The following AK9 variants were observed in gnomAD, a reference collection of about 807,000 sequenced individuals.
The protein encoded by AK9 is adenylate kinase 9, also known as adenylate kinase domain containing 1.
AK9 carries 191 observed loss-of-function variants against 239.6 expected under a neutral mutation model. That is an observed-to-expected ratio of 0.80 (90% confidence interval 0.71 to 0.90). The LOEUF is 0.90. AK9 is among the 40% of genes least tolerant of loss of function. The pLI is 0.00. For synonymous variants in AK9, 689 were observed against 721.0 expected (o/e 0.96, Z 0.71); for missense variants, 1,995 against 2,214.7 (o/e 0.90, Z 1.99).
Position 109,566,369 on chromosome 6 carries a change from G to A in AK9, c.2345-1524C>T, listed in dbSNP as rs568538715. 5.3e-5 allele frequency among the ~76,000 whole-genome samples: 8 copies of A among 152,076 alleles called. No homozygotes were observed. The South Asian group carries it at 6.2e-4, about 12-fold the overall frequency. The stretch of plus-strand genomic sequence containing the variant: ...CCACAAAAACAACAAAAACAAAATC[G>A]ACGAAGCAAAAGAGAGTATTGATCC... On this transcript the variant is annotated intron_variant, in intron 21 of 40. Transcript: ENST00000424296.
rs570444587 is a variant in AK9, at chr6:109,592,748, A to AT, written c.1843-6677dup. ...GGCATGAGCCACCGTGCCCAGCGGGATTTTTTTTTATAAGTGATTAGATGC... is the reference window on the plus strand; with the variant it reads ...GGCATGAGCCACCGTGCCCAGCGGGATTTTTTTTTTATAAGTGATTAGATGC... On this transcript the variant is annotated intron_variant, in intron 17 of 40. Coordinates refer to ENST00000424296, the MANE Select transcript of AK9 (RefSeq NM_001145128.3). Among the ~76,000 whole-genome samples the AT allele has an allele frequency of 4.4e-3, 658 of 149,042 alleles. 3 individuals are homozygous for AT. The highest frequency in any genetic ancestry group is 6.7e-3 in the Non-Finnish European group (455 of 67,548).
At chr6:109,577,263 T>C (rs1321834171) in intron 20 of AK9, among the ~76,000 whole-genome samples, 1 of 152,252 alleles carries the variant, frequency 6.6e-6, no homozygotes, top group Admixed American at 6.5e-5. Flanking sequence ...ATTTTTGTTT[T>C]TACCTCTGTT....
At chr6:109,564,576 GTTA>G (rs143388371) in intron 22 of AK9, among the ~76,000 whole-genome samples, 177 bp downstream of exon 22, 44,875 of 151,850 alleles carry the variant, frequency 0.3, 7,054 homozygotes, top group Middle Eastern at 0.41. Flanking sequence ...AAAAACCAGT[GTTA>G]TAATCTAGTT....
intron 26 of AK9, among the ~76,000 whole-genome samples, chr6:109,542,920 A>G (rs1481836237): frequency 6.6e-6 from 1 of 152,192 alleles, no homozygotes; most frequent in Non-Finnish European, 1.5e-5. Flanking sequence ...CCTTGGGGTC[A>G]TATCTCATTA....
chr6:109,538,010 G>A (rs1209049291), intron 27 of AK9, among the ~76,000 whole-genome samples: 1 of 152,188 alleles, frequency 6.6e-6, no homozygotes, highest in African/African-American at 2.4e-5. Flanking sequence ...TTGCTGAGGA[G>A]TTCTTTACTT....
chr6:109,597,044 T>G (rs1791129613), intron 17 of AK9, among the ~76,000 whole-genome samples: 1 of 152,228 alleles, frequency 6.6e-6, no homozygotes, highest in Admixed American at 6.5e-5. Context: ...GAAGAAAATC[T>G]ATATAGAAAA....
At chr6:109,559,647 G>T (rs1176176460) in intron 24 of AK9, among the ~76,000 whole-genome samples, 1 of 152,122 alleles carries the variant, frequency 6.6e-6, no homozygotes, top group Non-Finnish European at 1.5e-5. Flanking sequence ...CTTACACATA[G>T]AAATAAAATT....
Position 109,641,359 on chromosome 6 carries a change from T to C in AK9, c.933+159A>G, listed in dbSNP as rs1379612426. On this transcript the variant is annotated intron_variant, in intron 10 of 40. Transcript: ENST00000424296. ...ATTTTTTCTTTCTTTCTTTTTTTTT[T>C]TTTTTTTTTGTAGAGATGGGTTCTG... Among the ~76,000 whole-genome samples, 5 of 145,126 alleles carry C rather than the reference T, an allele frequency of 3.4e-5. No homozygotes were observed. The East Asian group carries it at 9.9e-4, about 29-fold the overall frequency.
intron 5 of AK9, among the ~76,000 whole-genome samples, chr6:109,669,195 T>G (rs1262838730): frequency 6.6e-6 from 1 of 152,030 alleles, no homozygotes; most frequent in Non-Finnish European, 1.5e-5. Context: ...TGGCTGTTTG[T>G]TATTGGTGTA....
chr6:109,581,097 T>C (rs1448020016), intron 19 of AK9, among the ~76,000 whole-genome samples: 1 of 152,092 alleles, frequency 6.6e-6, no homozygotes, highest in Non-Finnish European at 1.5e-5. Flanking sequence ...ACTTAATTGA[T>C]AGATGCTGTG....
chr6:109,540,873 T>A (rs1782789323), intron 27 of AK9, among the ~76,000 whole-genome samples: 1 of 152,178 alleles, frequency 6.6e-6, no homozygotes, highest in African/African-American at 2.4e-5. Flanking sequence ...GATTCCAAAT[T>A]TTCAAAAAGT....
At chr6:109,509,838 G>A (rs1778503745) in intron 32 of AK9, among the ~76,000 whole-genome samples, 1 of 152,094 alleles carries the variant, frequency 6.6e-6, no homozygotes, top group Non-Finnish European at 1.5e-5. Context: ...AGCTCCCTGG[G>A]TGCAGCTTGG....
intron 25 of AK9, among the ~76,000 whole-genome samples, chr6:109,547,888 T>C (rs1212726613): frequency 7.5e-6 from 1 of 133,194 alleles, no homozygotes; most frequent in African/African-American, 2.9e-5. Context: ...GATTTAACAA[T>C]GGGGAAAAAA....
In AK9 at chr6:109,609,658, T is replaced by C. The variant is rs147187244; in HGVS notation, c.1842+707A>G. Among the ~76,000 whole-genome samples the C allele has an allele frequency of 3.1e-4, 47 of 152,296 alleles. No homozygotes were observed. The East Asian group carries it at 8.9e-3, about 29-fold the overall frequency. On this transcript the variant is annotated intron_variant, in intron 17 of 40. Transcript: ENST00000424296. Reference sequence around the variant, plus strand: ...GACTTGAGGAAACCACCCAATGTGTTACAAAGAGGTTCCATACTCTAACAT... The same window carrying C: ...GACTTGAGGAAACCACCCAATGTGTCACAAAGAGGTTCCATACTCTAACAT...
intron 35 of AK9, among the ~76,000 whole-genome samples, chr6:109,501,328 T>C (rs1451322300): frequency 1.3e-5 from 2 of 152,080 alleles, no homozygotes; most frequent in Non-Finnish European, 2.9e-5. Context: ...GGAGATGATG[T>C]CCCCTGATAC....
intron 27 of AK9, among the ~76,000 whole-genome samples, chr6:109,535,719 T>G (rs1339336060): frequency 6.6e-6 from 1 of 152,218 alleles, no homozygotes; most frequent in Non-Finnish European, 1.5e-5. Context: ...GGTTTCCTTC[T>G]AGGGTTTTTA....
chr6:109,586,422 A>T (rs1334488325), intron 17 of AK9, among the ~76,000 whole-genome samples: 1 of 152,136 alleles, frequency 6.6e-6, no homozygotes, highest in Non-Finnish European at 1.5e-5. Flanking sequence ...ACGACAACCA[A>T]AGTTAACAAA....
intron 21 of AK9, among the ~76,000 whole-genome samples, chr6:109,565,823 A>G (rs960226973): frequency 1.2e-4 from 18 of 152,188 alleles, no homozygotes; most frequent in African/African-American, 4.3e-4. Context: ...ATTCTGCAAC[A>G]CGGTGGAAAC....
Position 109,497,856 on chromosome 6 carries a change from A to ACT in AK9, c.5155_5156insAG (p.Phe1719Ter). 6.2e-7 allele frequency: 1 copy of ACT among 1,613,988 alleles called. No individual in the cohort carries two copies. Residue 1719 changes from phenylalanine to a stop codon, truncating the protein, a stop_gained and frameshift_variant, in exon 37 of 41, where the codon TTC (phenylalanine) becomes TAGTC (stop). Transcript: ENST00000424296. LOFTEE classifies it high-confidence loss of function. ...GCCCTGGAGCTCCGCACACTTAGGGAATCGACTCTTCAGCTCTGACAGTGT... is the reference window on the plus strand; with the variant it reads ...GCCCTGGAGCTCCGCACACTTAGGGACTATCGACTCTTCAGCTCTGACAGTGT... ...RLTLSELKSR[F>*]PKCAELQGYC...
Sources: gnomAD v4.1 joint callset for allele counts (sites outside exome capture counted in the v4.1 genomes callset) on GRCh38, gnomAD v4.1.1 for gene constraint, MANE v1.5 for transcripts, NCBI Gene and HGNC (gene_info 2026-07-23, HGNC 2026-07-21) for gene names.